Variants in CABP5 observed in about 807,000 individuals in gnomAD.
CABP5 encodes calcium binding protein 5, also known as calcium-binding protein 5.
In CABP5, 17 loss-of-function variants were observed where a neutral mutation model predicts 21.9. That is an observed-to-expected ratio of 0.78 (90% CI 0.53 to 1.17). The LOEUF is 1.17. Among genes scored for constraint, CABP5 ranks in the 50% most tolerant of loss-of-function variants. CABP5 has a pLI of 0.00. For missense variants in CABP5, 229 were observed against 228.9 expected (o/e 1.00, Z 0.00); for synonymous variants, 85 against 79.4 (o/e 1.07, Z -0.37).
rs140016875 is a variant in CABP5 at position 48,033,501 on chromosome 19, C to G, written c.496+714G>C. Among the ~76,000 whole-genome samples, 937 of 152,226 alleles carry G rather than the reference C, an allele frequency of 6.2e-3. 10 individuals carry two copies. Among genetic ancestry groups the G allele is most frequent in the African/African-American group, 0.021 (888 of 41,536 alleles). On this transcript the variant is annotated intron_variant, in intron 5 of 5. Transcript: ENST00000293255. ...AATAAACTCTAGAGATGCCACGAAT[C>G]CGTATTACTGCAGAAGCAAGCGGGA...
At chr19:48,040,865 A>G (rs907473927) in intron 2 of CABP5, 117 bp from the exon 3 acceptor site, 1 of 732,578 alleles carries the variant, frequency 1.4e-6, no homozygotes, top group Non-Finnish European at 2.0e-6. Flanking sequence ...CGTACATTAG[A>G]AACAAAACAA....
chr19:48,029,878 T>C lies in CABP5; in HGVS notation c.*679A>G, dbSNP rs1967318084. ...CCAGGAAATCAGGAAAAGGAAGGAGTTGACTTTGAATGCCACTTGCACGAG... is the reference window on the plus strand; with the variant it reads ...CCAGGAAATCAGGAAAAGGAAGGAGCTGACTTTGAATGCCACTTGCACGAG... On this transcript the variant is annotated 3_prime_UTR_variant, in exon 6 of 6. Coordinates refer to ENST00000293255, the MANE Select transcript of CABP5 (RefSeq NM_019855.5). 7.1e-6 allele frequency: 1 copy of C among 141,648 alleles called. No homozygotes were observed. The highest frequency in any genetic ancestry group is 1.5e-5 in the Non-Finnish European group (1 of 66,080). 8.8% of individuals were successfully genotyped at this position (141,648 alleles called of 1,614,324 possible). A position where few individuals can be genotyped will look rare whatever the true frequency, so the allele number is the denominator to read the frequency against.
chr19:48,030,448 G>C lies in CABP5; in HGVS notation c.*109C>G, dbSNP rs1265052041. 4 of 1,137,776 alleles carry C rather than the reference G, an allele frequency of 3.5e-6. No homozygotes were observed. The East Asian group carries it at 9.7e-5, about 28-fold the overall frequency. The allele number at this position is 1,137,776 out of a possible 1,614,324, so 70.5% of individuals were successfully genotyped here. On this transcript the variant is annotated 3_prime_UTR_variant, in exon 6 of 6. Coordinates refer to ENST00000293255, the MANE Select transcript of CABP5 (RefSeq NM_019855.5). ...CATGCCAATGCCCTCCCTCCCGCCT[G>C]CCCTCCCTCTCTGCTTTAAGGGGAT... is the stretch of plus-strand genomic sequence containing the variant.
intron 2 of CABP5, chr19:48,041,334 C>T: frequency 1.9e-6 from 1 of 527,412 alleles, no homozygotes; most frequent in Non-Finnish European, 3.3e-6. Context: ...AAGAGAGAAA[C>T]TCATTTGTTT....
chr19:48,036,095 C>G (rs570766370), intron 4 of CABP5, among the ~76,000 whole-genome samples: 1 of 152,008 alleles, frequency 6.6e-6, no homozygotes, highest in Non-Finnish European at 1.5e-5. Flanking sequence ...AGTTCACTCC[C>G]CGATGTTTTG....
At chr19:48,034,660 C>T (rs1368582077) in intron 4 of CABP5, among the ~76,000 whole-genome samples, 2 of 151,674 alleles carry the variant, frequency 1.3e-5, no homozygotes, top group Non-Finnish European at 2.9e-5. Context: ...ATTCTCGTCC[C>T]TCAGCCTCCC....
chr19:48,036,998 G>A (rs1967415589), intron 4 of CABP5, among the ~76,000 whole-genome samples: 1 of 152,116 alleles, frequency 6.6e-6, no homozygotes, highest in Non-Finnish European at 1.5e-5. Flanking sequence ...TGCTGGGTAT[G>A]GAAATTAGCA....
rs57230665 is a variant in CABP5, at chr19:48,037,259, CTTTTTTT to C, written c.348+1942_348+1948del. 8.2e-3 allele frequency among the ~76,000 whole-genome samples: 369 copies of C among 44,976 alleles called. 2 individuals are homozygous for C. The highest frequency in any genetic ancestry group is 0.025 in the African/African-American group (342 of 13,788). The allele number at this position is 44,976 out of a possible 152,430, so 29.5% of individuals were successfully genotyped here. Reference sequence around the variant, plus strand: ...AAGTACACAATGGAATACTATTCAGCTTTTTTTTTTTTTTTTTTTTTTTTTTGAGGTG... The same window carrying C: ...AAGTACACAATGGAATACTATTCAGCTTTTTTTTTTTTTTTTTTTGAGGTG... On this transcript the variant is annotated intron_variant, in intron 4 of 5. Transcript: ENST00000293255.
Position 48,039,298 on chromosome 19 carries a change from A to G in CABP5, c.258T>C (p.Phe86=), listed in dbSNP as rs757054510. 16 of 1,613,934 alleles carry G rather than the reference A, an allele frequency of 9.9e-6. No homozygotes were observed. The highest frequency in any genetic ancestry group is 2.2e-5 in the South Asian group (2 of 91,080). Residue 86 remains phenylalanine (F), a synonymous_variant, in exon 4 of 6, where the codon TTT becomes TTC. Coordinates refer to ENST00000293255, the MANE Select transcript of CABP5 (RefSeq NM_019855.5). ...IRMNLGGRVD[F]DDFVELMTPK... ...GGGTCATCAGCTCCACAAAGTCATC[A>G]AAGTCTACACGGCCACCCACTGAGG...
intron 2 of CABP5, 27 bp from the exon 3 acceptor site, chr19:48,040,775 G>A (rs371859652): frequency 6.2e-7 from 1 of 1,612,512 alleles, no homozygotes; most frequent in Non-Finnish European, 8.5e-7. Context: ...AACTTTGGGG[G>A]AACTTGAAGC....
chr19:48,035,578 CAA>C (rs1967398203), intron 4 of CABP5, among the ~76,000 whole-genome samples: 1 of 152,144 alleles, frequency 6.6e-6, no homozygotes, highest in Admixed American at 6.5e-5. Flanking sequence ...GCCTGGGCAA[CAA>C]GAGCAAAACT....
At chr19:48,039,871 G>A (rs949085668) in intron 3 of CABP5, among the ~76,000 whole-genome samples, 5 of 151,446 alleles carry the variant, frequency 3.3e-5, no homozygotes, top group South Asian at 2.1e-4. Flanking sequence ...ACGCCATCAC[G>A]CCTGGCTAAT....
chr19:48,037,117 G>C (rs144371084), intron 4 of CABP5, among the ~76,000 whole-genome samples: 1 of 152,160 alleles, frequency 6.6e-6, no homozygotes, highest in Non-Finnish European at 1.5e-5. Flanking sequence ...ATTGAAATCA[G>C]TATATCAAAG....
At position 48,043,825 on chromosome 19, in the gene CABP5, C is replaced by T. The variant is rs753268516; in HGVS notation, c.63+35G>A. ...TCCCACACCCCTGCTCCCTTTGCCC[C>T]GCCCACCGCCCTTCCCCCTCACTCC... On this transcript the variant is annotated intron_variant, in intron 1 of 5. Coordinates refer to ENST00000293255, the MANE Select transcript of CABP5 (RefSeq NM_019855.5). 1.6e-5 allele frequency: 23 copies of T among 1,469,764 alleles called. 1 individual carries two copies. Among genetic ancestry groups the T allele is most frequent in the East Asian group, 2.7e-5 (1 of 36,518 alleles). The allele number at this position is 1,469,764 out of a possible 1,614,324, so 91.0% of individuals were successfully genotyped here. A position where few individuals can be genotyped will look rare whatever the true frequency, so the allele number is the denominator to read the frequency against.
At chr19:48,038,789 T>G (rs1393138895) in intron 4 of CABP5, among the ~76,000 whole-genome samples, 3 of 151,946 alleles carry the variant, frequency 2.0e-5, no homozygotes, top group Non-Finnish European at 4.4e-5. Context: ...ATTGCACCAT[T>G]GCACTCCAGC....
chr19:48,043,273 G>T (rs1176667694), intron 1 of CABP5, among the ~76,000 whole-genome samples: 1 of 147,332 alleles, frequency 6.8e-6, no homozygotes, highest in Non-Finnish European at 1.5e-5. Context: ...CTCCCAAGAT[G>T]CTGCGATTCA....
intron 5 of CABP5, among the ~76,000 whole-genome samples, chr19:48,031,432 C>G (rs1443914310): frequency 6.6e-6 from 1 of 152,030 alleles, no homozygotes; most frequent in African/African-American, 2.4e-5. Flanking sequence ...CCCAGCTACT[C>G]CACAGGCTGA....
intron 4 of CABP5, among the ~76,000 whole-genome samples, chr19:48,035,489 C>T (rs770350612): frequency 2.0e-5 from 3 of 152,098 alleles, no homozygotes; most frequent in East Asian, 3.9e-4. Flanking sequence ...CCCGGCTACT[C>T]GAGAGGCTGA....
intron 1 of CABP5, among the ~76,000 whole-genome samples, chr19:48,042,050 A>G (rs903677725): frequency 6.6e-6 from 1 of 152,114 alleles, no homozygotes; most frequent in African/African-American, 2.4e-5. Flanking sequence ...CATCTTACCC[A>G]TGAGAAAGCT....
Sources: allele counts gnomAD v4.1 joint callset (sites outside exome capture counted in the v4.1 genomes callset), GRCh38; gene constraint gnomAD v4.1.1; transcripts MANE v1.5; gene names NCBI Gene and HGNC (gene_info 2026-07-23, HGNC 2026-07-21).